LBHD1: variants seen among roughly 807,000 people sequenced by gnomAD.
LBHD1 encodes LBH domain-containing protein 1.
A neutral mutation model predicts 31.1 loss-of-function variants in LBHD1; 28 were observed. The observed-to-expected ratio is 0.90, with a 90% CI of 0.67 to 1.24. LBHD1 has a LOEUF of 1.24. Ranked by LOEUF, LBHD1 falls within the 50% of genes most tolerant of loss-of-function variation. The pLI, the probability that LBHD1 is intolerant of heterozygous loss-of-function variation, is 0.00. For missense variants in LBHD1, 350 were observed against 323.0 expected, an observed-to-expected ratio of 1.08 and a Z score of -0.64; for synonymous variants, 105 against 116.5, an observed-to-expected ratio of 0.90 and a Z score of 0.63.
rs547440704 is a variant in LBHD1 at position 62,663,269 on chromosome 11, G to A, written c.728C>T (p.Pro243Leu). 48 of 1,614,170 alleles carry A rather than the reference G, an allele frequency of 3.0e-5. No individual in the cohort carries two copies. Among genetic ancestry groups the A allele is most frequent in the African/African-American group, 2.0e-4 (15 of 75,032 alleles). Residue 243 changes from proline (P) to leucine (L), a missense_variant, in exon 6 of 7, where the codon CCG (proline) becomes CTG (leucine). Coordinates refer to ENST00000354588, the MANE Select transcript of LBHD1 (RefSeq NM_024099.5). ...GCTGTCTTCTCTTTCTGGGCAAGCC[G>A]GATCTGCTGGAGGAGTTTTCTGCGC... Reference protein sequence around the residue: ...EEAQKTPPADPACPEREDSHG... With the variant: ...EEAQKTPPADLACPEREDSHG...
At chr11:62,665,658 C>G in intron 4 of LBHD1, 1 of 1,482,848 alleles carries the variant, frequency 6.7e-7, no homozygotes, top group Non-Finnish European at 8.9e-7. Context: ...TCTGCGGACG[C>G]TGTATACCCT....
Position 62,671,831 on chromosome 11 carries a change from C to G in LBHD1, c.-278G>C, listed in dbSNP as rs1944951056. The G allele has an allele frequency of 6.2e-7, 1 of 1,614,116 alleles. No individual in the cohort carries two copies. Among genetic ancestry groups the G allele is most frequent in the Non-Finnish European group, 8.5e-7 (1 of 1,180,022 alleles). ...GGCTACGCGCTCCTCGTTATCGTGACCCCGGGAGAGCGGCGGAAGCAGGAA... is the reference window on the plus strand; with the variant it reads ...GGCTACGCGCTCCTCGTTATCGTGAGCCCGGGAGAGCGGCGGAAGCAGGAA... On this transcript the variant is annotated 5_prime_UTR_variant, in exon 1 of 7. Transcript: ENST00000354588.
chr11:62,664,964 T>C lies in LBHD1; in HGVS notation c.548A>G (p.Glu183Gly), dbSNP rs1271785117. The C allele has an allele frequency of 1.2e-6, 2 of 1,611,868 alleles. No homozygotes were observed. Among genetic ancestry groups the C allele is most frequent in the Non-Finnish European group, 1.7e-6 (2 of 1,179,730 alleles). ...LPPNSFEGAE[E>G]EAVQTPAGVE... ...ACCCGCCGGCGTTTGAACAGCTTCTTCTTCAGCTCCTGCCGGGGAGAAAGA... is the reference window on the plus strand; with the variant it reads ...ACCCGCCGGCGTTTGAACAGCTTCTCCTTCAGCTCCTGCCGGGGAGAAAGA... The change falls in exon 5 of 7, where the codon GAA (glutamate) becomes GGA (glycine). Residue 183 changes from glutamate (E) to glycine (G), a missense_variant. Glu to Gly is a moderately conservative substitution (Grantham distance 98). Transcript: ENST00000354588.
rs201656371 is a variant in LBHD1 at position 62,664,986 on chromosome 11, A to G, written c.539-13T>C. Reference sequence around the variant, plus strand: ...TCTTCTTCAGCTCCTGCCGGGGAGAAAGATGCGAATCAGATGGAGTGGGCT... The same window carrying G: ...TCTTCTTCAGCTCCTGCCGGGGAGAGAGATGCGAATCAGATGGAGTGGGCT... On this transcript the variant is annotated splice_polypyrimidine_tract_variant and intron_variant, in intron 4 of 6. Transcript: ENST00000354588. 10 of 1,609,390 alleles carry G rather than the reference A, an allele frequency of 6.2e-6. No homozygotes were observed. Among genetic ancestry groups the G allele is most frequent in the African/African-American group, 4.0e-5 (3 of 75,042 alleles).
Position 62,671,601 on chromosome 11 carries a change from G to C in LBHD1, c.-48C>G, listed in dbSNP as rs534609269. Reference sequence around the variant, plus strand: ...CGCTCCGGATTCCAAACGTTTCCTCGAGCAGGTCCTCTCTAGCCGGCCGCT... The same window carrying C: ...CGCTCCGGATTCCAAACGTTTCCTCCAGCAGGTCCTCTCTAGCCGGCCGCT... On this transcript the variant is annotated 5_prime_UTR_variant, in exon 1 of 7. Coordinates refer to ENST00000354588, the MANE Select transcript of LBHD1 (RefSeq NM_024099.5). The C allele has an allele frequency of 1.3e-6, 2 of 1,486,406 alleles. No homozygotes were observed. The highest frequency in any genetic ancestry group is 1.8e-6 in the Non-Finnish European group (2 of 1,126,328). The allele number at this position is 1,486,406 out of a possible 1,614,324, so 92.1% of individuals were successfully genotyped here.
intron 4 of LBHD1, chr11:62,665,867 C>A (rs767605267): frequency 6.2e-7 from 1 of 1,612,578 alleles, no homozygotes; most frequent in Admixed American, 1.7e-5. Context: ...GTCGAACTTA[C>A]CCGAATCTCC....
In LBHD1 at chr11:62,672,246, C is replaced by T. The variant is rs535650240; in HGVS notation, c.-693G>A. 1 of 970,974 alleles carries T rather than the reference C, an allele frequency of 1.0e-6. No homozygotes were observed. The highest frequency in any genetic ancestry group is 1.5e-6 in the Non-Finnish European group (1 of 664,572). The allele number at this position is 970,974 out of a possible 1,614,324, so 60.1% of individuals were successfully genotyped here. A position where few individuals can be genotyped will look rare whatever the true frequency, so the allele number is the denominator to read the frequency against. On this transcript the variant is annotated 5_prime_UTR_variant, in exon 1 of 7. Transcript: ENST00000354588. ...CCAGGACTCTCCGGGGTCCTGTGAG[C>T]TGCCGTCGGGTGAGCACGTTTCCCC... is the stretch of plus-strand genomic sequence containing the variant.
intron 5 of LBHD1, 85 bp downstream of exon 5, chr11:62,664,764 T>G: frequency 6.7e-7 from 1 of 1,502,222 alleles, no homozygotes; most frequent in Non-Finnish European, 9.0e-7. Flanking sequence ...CAAGGTGAGC[T>G]GAGAGGTGAA....
intron 1 of LBHD1, chr11:62,670,962 G>C (rs569873784): frequency 8.1e-5 from 16 of 196,750 alleles, no homozygotes; most frequent in Admixed American, 6.7e-4. Context: ...AGCCGGGCGT[G>C]GTGGTGCACG....
At position 62,666,473 on chromosome 11, in the gene LBHD1, C is replaced by T; in HGVS notation, c.538+1050G>A. 4 of 1,613,884 alleles carry T rather than the reference C, an allele frequency of 2.5e-6. No homozygotes were observed. In the African/African-American group the frequency reaches 4.0e-5, roughly 16 times the overall value. The stretch of plus-strand genomic sequence containing the variant: ...TGCCCAGCCTCGTTTGGGCACTGTC[C>T]CCACCTTCGACTGGTTCTTTGGATA... On this transcript the variant is annotated intron_variant, in intron 4 of 6. Transcript: ENST00000354588.
chr11:62,670,128 TG>T (rs1421984593), intron 1 of LBHD1, 87 bp from the exon 2 acceptor site: 2 of 1,399,488 alleles, frequency 1.4e-6, no homozygotes, highest in African/African-American at 2.9e-5. Flanking sequence ...CTTTGGAGCC[TG>T]GCCCCTTAAG....
intron 4 of LBHD1, chr11:62,666,110 G>A: frequency 1.2e-6 from 1 of 856,468 alleles, no homozygotes; most frequent in South Asian, 1.7e-5. Flanking sequence ...CACTTTGCCA[G>A]GCCGAGGCGG....
In LBHD1 at chr11:62,670,158, AT is replaced by A; in HGVS notation, c.-10-118del. 1.4e-5 allele frequency: 15 copies of A among 1,086,272 alleles called. No homozygotes were observed. The South Asian group carries it at 2.1e-4, about 15-fold the overall frequency. 67.3% of individuals were successfully genotyped at this position (1,086,272 alleles called of 1,614,324 possible). Reference sequence around the variant, plus strand: ...CCTTAAGCACCGACTGTGCTAAGCGATTATACGCTTTCAGGGGAGGGGAAAA... The same window carrying A: ...CCTTAAGCACCGACTGTGCTAAGCGATATACGCTTTCAGGGGAGGGGAAAA... On this transcript the variant is annotated intron_variant, in intron 1 of 6. Coordinates refer to ENST00000354588, the MANE Select transcript of LBHD1 (RefSeq NM_024099.5).
chr11:62,670,227 TG>T, intron 1 of LBHD1, 186 bp from the exon 2 acceptor site: 1 of 621,098 alleles, frequency 1.6e-6, no homozygotes, highest in South Asian at 2.4e-5. Flanking sequence ...ACTTACTCCC[TG>T]GAGACACTGG....
rs756860374 is a variant in LBHD1, at chr11:62,666,500, G to A, written c.538+1023C>T. ...CACCTTCGACTGGTTCTTTGGATAC[G>A]ACGAAGTCCAGGGGCTCCTACTGCC... is the stretch of plus-strand genomic sequence containing the variant. On this transcript the variant is annotated intron_variant, in intron 4 of 6. Transcript: ENST00000354588. 19 of 1,613,982 alleles carry A rather than the reference G, an allele frequency of 1.2e-5. No individual in the cohort carries two copies. Among genetic ancestry groups the A allele is most frequent in the Admixed American group, 5.0e-5 (3 of 60,004 alleles).
chr11:62,669,234 C>G (rs1436983304), intron 3 of LBHD1, among the ~76,000 whole-genome samples: 1 of 151,738 alleles, frequency 6.6e-6, no homozygotes, highest in Non-Finnish European at 1.5e-5. Flanking sequence ...TCTGTACTTT[C>G]AAAATGTTTA....
chr11:62,671,153 A>G (rs1488015376), intron 1 of LBHD1: 1 of 369,430 alleles, frequency 2.7e-6, no homozygotes, highest in Non-Finnish European at 5.4e-6. Flanking sequence ...AAACCAAAAA[A>G]AAACCCAAAC....
At chr11:62,670,070 G>C in intron 1 of LBHD1, 29 bp from the exon 2 acceptor site, 1 of 1,575,518 alleles carries the variant, frequency 6.3e-7, no homozygotes, top group Non-Finnish European at 8.6e-7. Flanking sequence ...TGAACTCAGA[G>C]GAGAGTACTG....
At chr11:62,666,698 C>T in intron 4 of LBHD1, 1 of 1,614,042 alleles carries the variant, frequency 6.2e-7, no homozygotes, top group Non-Finnish European at 8.5e-7. Flanking sequence ...GGAGGGTGGC[C>T]CAGGCCAAAC....
Sources: gnomAD v4.1 joint callset for allele counts (sites outside exome capture counted in the v4.1 genomes callset) on GRCh38, gnomAD v4.1.1 for gene constraint, MANE v1.5 for transcripts, NCBI Gene and HGNC (gene_info 2026-07-23, HGNC 2026-07-21) for gene names.